PKD1: variants seen among roughly 807,000 people sequenced by gnomAD.
The protein encoded by PKD1 is polycystin-1.
In PKD1, 81 loss-of-function variants were observed where a neutral mutation model predicts 361.7. That is an observed-to-expected ratio of 0.22 (90% confidence interval 0.19 to 0.27). PKD1 has a LOEUF of 0.27. Ranked by LOEUF, PKD1 falls within the 10% of genes least tolerant of loss-of-function variation. PKD1 has a pLI of 1.00. For missense variants in PKD1, 6,399 were observed against 6,118.3 expected (o/e 1.05, Z -1.53); for synonymous variants, 3,615 against 2,818.3 (o/e 1.28, Z -8.95).
intron 11 of PKD1, 25 bp from the exon 12 acceptor site, chr16:2,113,317 G>A (rs1443499638): frequency 2.5e-6 from 4 of 1,595,182 alleles, no homozygotes; most frequent in African/African-American, 2.7e-5. Context: ...GTGTCAGCCT[G>A]GGCTCTGTGG....
intron 1 of PKD1, among the ~76,000 whole-genome samples, chr16:2,126,557 A>G (rs2092802546): frequency 6.6e-6 from 1 of 152,234 alleles, no homozygotes; most frequent in African/African-American, 2.4e-5. Flanking sequence ...CGTGAGCTGC[A>G]TTTTCCAGCT....
At chr16:2,130,420 G>C (rs2092858222) in intron 1 of PKD1, among the ~76,000 whole-genome samples, 1 of 152,310 alleles carries the variant, frequency 6.6e-6, no homozygotes, top group South Asian at 2.1e-4. Flanking sequence ...TGCACTGGGG[G>C]TCCTTCCAGG....
rs534269941 is a variant in PKD1, at chr16:2,135,125, C to T, written c.215+350G>A. 1.1e-5 allele frequency: 11 copies of T among 977,964 alleles called. No individual in the cohort carries two copies. The Admixed American group carries it at 6.1e-4, about 55-fold the overall frequency. The allele number at this position is 977,964 out of a possible 1,614,324, so 60.6% of individuals were successfully genotyped here. On this transcript the variant is annotated intron_variant, in intron 1 of 45. Transcript: ENST00000262304. The stretch of plus-strand genomic sequence containing the variant: ...ACTCTTCCCTGCCGCCCCCTACAGC[C>T]ATCCCCACCTCTCCGGGTACCCCGC...
rs1238398011 is a variant in PKD1, at chr16:2,093,654, C to T, written c.10906G>A (p.Val3636Met). 1 of 1,608,336 alleles carries T rather than the reference C, an allele frequency of 6.2e-7. No individual in the cohort carries two copies. The highest frequency in any genetic ancestry group is 1.3e-5 in the African/African-American group (1 of 74,960). Residue 3636 changes from valine (V) to methionine (M), a missense_variant, in exon 37 of 46, where the codon GTG (valine) becomes ATG (methionine). Physicochemically the swap from Val to Met is conservative, Grantham distance 21 (BLOSUM62 1). Transcript: ENST00000262304. ...EDDTLVESPA[V>M]TPVSARVPRV... ...GGCACACGTGCGCTCACAGGCGTCA[C>T]AGCCGGGCTCTCTACCAGGGTGTCA...
rs769386707 is a variant in PKD1 at position 2,109,012 on chromosome 16, G to A, written c.6155C>T (p.Thr2052Met). ...GGCGTCCTGAACCTCCAGCACCAGC[G>A]TGCGGTTCTCACTGCCCAGGGCGTT... The part of the protein sequence containing the change: ...AFNALGSENR[T>M]LVLEVQDAVQ... The change falls in exon 15 of 46, where the codon ACG becomes ATG. Residue 2052 changes from threonine (T) to methionine (M), a missense_variant. By Grantham distance (81) the Thr-to-Met change is moderately conservative. Coordinates refer to ENST00000262304, the MANE Select transcript of PKD1 (RefSeq NM_001009944.3). 13 of 1,610,314 alleles carry A rather than the reference G, an allele frequency of 8.1e-6. No homozygotes were observed. The highest frequency in any genetic ancestry group is 1.9e-4 in the Middle Eastern group (1 of 5,194).
rs569768187 is a variant in PKD1, at chr16:2,115,589, G to C, written c.1886C>G (p.Ser629Cys). Residue 629 changes from serine (S) to cysteine (C), a missense_variant, in exon 10 of 46, where the codon TCC becomes TGC. Ser to Cys is a moderately radical substitution (Grantham distance 112, BLOSUM62 -1). Transcript: ENST00000262304. ...GGCCAGCTGGGTCCTGTTGTCCGGG[G>C]ACCTGCTCTCAGGCTCGCTGCCGTT... The part of the protein sequence containing the change: ...PENGSEPESR[S>C]PDNRTQLAPA... 3.1e-6 allele frequency: 5 copies of C among 1,595,266 alleles called. No individual in the cohort carries two copies. Among genetic ancestry groups the C allele is most frequent in the South Asian group, 1.1e-5 (1 of 89,834 alleles).
In PKD1 at chr16:2,109,372, G is replaced by A. The variant is rs1384240172; in HGVS notation, c.5795C>T (p.Pro1932Leu). 1.3e-6 allele frequency: 2 copies of A among 1,593,846 alleles called. No homozygotes were observed. The highest frequency in any genetic ancestry group is 8.5e-7 in the Non-Finnish European group (1 of 1,174,930). ...GAAGCTGTGGGAGAAACGGGGCCCG[G>A]GGAGCACCTCGGGGTTGGCCCCGCC... ...QVGGANPEVL[P>L]GPRFSHSFPR... The change falls in exon 15 of 46, where the codon CCC becomes CTC. Residue 1932 changes from proline (P) to leucine (L), a missense_variant. By Grantham distance (98) the Pro-to-Leu change is moderately conservative. Coordinates refer to ENST00000262304, the MANE Select transcript of PKD1 (RefSeq NM_001009944.3).
Position 2,118,905 on chromosome 16 carries a change from C to T in PKD1, c.360-60G>A. 1.1e-5 allele frequency: 10 copies of T among 950,272 alleles called. No individual in the cohort carries two copies. Among genetic ancestry groups the T allele is most frequent in the South Asian group, 7.5e-5 (5 of 66,514 alleles). 58.9% of individuals were successfully genotyped at this position (950,272 alleles called of 1,614,324 possible). On this transcript the variant is annotated intron_variant, in intron 3 of 45. Coordinates refer to ENST00000262304, the MANE Select transcript of PKD1 (RefSeq NM_001009944.3). The surrounding 1 kb of genome is among the most constrained non-coding windows in gnomAD (Gnocchi z 6.0). Reference sequence around the variant, plus strand: ...TGGTGGGAAGGGTCTATGCCAGCCCCCCACTGGCAACCAGGCCCTGGAGCC... The same window carrying T: ...TGGTGGGAAGGGTCTATGCCAGCCCTCCACTGGCAACCAGGCCCTGGAGCC...
At position 2,114,590 on chromosome 16, in the gene PKD1, G is replaced by A; in HGVS notation, c.2433C>T (p.Leu811=). The A allele has an allele frequency of 2.5e-6, 4 of 1,592,996 alleles. No individual in the cohort carries two copies. The highest frequency in any genetic ancestry group is 3.4e-6 in the Non-Finnish European group (4 of 1,178,234). The change falls in exon 11 of 46, where the codon CTC becomes CTT. Residue 811 remains leucine, a synonymous_variant. Coordinates refer to ENST00000262304, the MANE Select transcript of PKD1 (RefSeq NM_001009944.3). ...EVGNGVSRHN[L]SCSFDVVSPV... is the part of the protein sequence containing the mutation. ...GGGAGACCACGTCAAAGCTGCAGGA[G>A]AGGTTGTGCCTGGACACGCCATTGC... is the stretch of plus-strand genomic sequence containing the variant.
At chr16:2,111,892 G>C in intron 14 of PKD1, 21 bp from the exon 15 acceptor site, 1 of 1,609,154 alleles carries the variant, frequency 6.2e-7, no homozygotes, top group South Asian at 1.1e-5. Context: ...AGGCCCGAGT[G>C]GGGCAGCCGC....
chr16:2,090,727 C>T lies in PKD1; in HGVS notation c.12085G>A (p.Val4029Ile), dbSNP rs781278135. The T allele has an allele frequency of 6.2e-7, 1 of 1,612,588 alleles. No homozygotes were observed. Among genetic ancestry groups the T allele is most frequent in the Non-Finnish European group, 8.5e-7 (1 of 1,179,946 alleles). The change falls in exon 44 of 46, where the codon GTC becomes ATC. Residue 4029 changes from valine to isoleucine, a missense_variant. Physicochemically the swap from Val to Ile is conservative, Grantham distance 29. Transcript: ENST00000262304. ...CCGAGCACCACCAGGCCCAAGGTGA[C>T]CCCCAGGAGCTCTGGCAGAGCTCGG... ...LCRALPELLG[V>I]TLGLVVLGVA... is the part of the protein sequence containing the mutation.
intron 1 of PKD1, chr16:2,131,969 G>T (rs924148946): frequency 6.6e-6 from 1 of 151,728 alleles, no homozygotes; most frequent in African/African-American, 2.4e-5. Context: ...ATATATTTTT[G>T]TCTGGGCGCG....
At chr16:2,113,981 C>T (rs1214709951) in intron 11 of PKD1, 189 bp downstream of exon 11, 9 of 606,548 alleles carry the variant, frequency 1.5e-5, no homozygotes, top group South Asian at 3.9e-5. Flanking sequence ...CTGTCAGAGC[C>T]GTGACTTTCC....
At chr16:2,120,102 C>T (rs1453433507) in intron 1 of PKD1, 8 of 561,894 alleles carry the variant, frequency 1.4e-5, no homozygotes, top group South Asian at 1.3e-4. Flanking sequence ...CCCAAGTACT[C>T]GGGAGGTAGA....
rs775125741 is a variant in PKD1 at position 2,114,302 on chromosome 16, G to T, written c.2721C>A (p.His907Gln). The change falls in exon 11 of 46, where the codon CAC becomes CAA. Residue 907 changes from histidine (H) to glutamine (Q), a missense_variant. By Grantham distance (24) the His-to-Gln change is conservative. Transcript: ENST00000262304. ...TGTTTTCCACCACCACGTCCACCAC[G>T]TGCTCCCCCTCACTGAGCCACGGCA... ...VALPWLSEGE[H>Q]VVDVVVENSA... is the part of the protein sequence containing the mutation. 3 of 1,610,420 alleles carry T rather than the reference G, an allele frequency of 1.9e-6. No homozygotes were observed. In the African/African-American group the frequency reaches 4.0e-5, roughly 22 times the overall value.
In PKD1 at chr16:2,105,232, C is replaced by A. The variant is rs1357432510; in HGVS notation, c.8016+90G>T. Reference sequence around the variant, plus strand: ...AGGAGCCCAGGCTGGAGGCTCAGCTCCTCGGCCAAGCTGCCCGTCTGCCCT... The same window carrying A: ...AGGAGCCCAGGCTGGAGGCTCAGCTACTCGGCCAAGCTGCCCGTCTGCCCT... On this transcript the variant is annotated intron_variant, in intron 21 of 45. Coordinates refer to ENST00000262304, the MANE Select transcript of PKD1 (RefSeq NM_001009944.3). 3 of 1,323,674 alleles carry A rather than the reference C, an allele frequency of 2.3e-6. No individual in the cohort carries two copies. The African/African-American group carries it at 4.5e-5, about 20-fold the overall frequency. 82.0% of individuals were successfully genotyped at this position (1,323,674 alleles called of 1,614,324 possible).
chr16:2,100,091 G>C lies in PKD1; in HGVS notation c.9713-20C>G. The C allele has an allele frequency of 6.2e-7, 1 of 1,602,550 alleles. No homozygotes were observed. Among genetic ancestry groups the C allele is most frequent in the Non-Finnish European group, 8.5e-7 (1 of 1,175,284 alleles). On this transcript the variant is annotated intron_variant, in intron 28 of 45. Coordinates refer to ENST00000262304, the MANE Select transcript of PKD1 (RefSeq NM_001009944.3). This position sits in a 1 kb window ranked among gnomAD's most constrained non-coding sequence, Gnocchi z 4.4. ...CGTCGCCTAGAAGGCAGGGAGGGCCGCACTGCAGGAGGCCACGGGGCAGGA... is the reference window on the plus strand; with the variant it reads ...CGTCGCCTAGAAGGCAGGGAGGGCCCCACTGCAGGAGGCCACGGGGCAGGA...
In PKD1 at chr16:2,111,186, G is replaced by A. The variant is rs759664879; in HGVS notation, c.3981C>T (p.Asp1327=). Residue 1327 remains aspartate (D), a synonymous_variant, in exon 15 of 46, where the codon GAC becomes GAT. Transcript: ENST00000262304. ...VTGNPAHYLF[D]WTFGDGSSNT... ...TGGAGGAGCCATCCCCGAAGGTCCA[G>A]TCGAAGAGGTAGTGGGCCGGGTTCC... 4 of 1,611,460 alleles carry A rather than the reference G, an allele frequency of 2.5e-6. No individual in the cohort carries two copies. The East Asian group carries it at 8.9e-5, about 36-fold the overall frequency.
intron 16 of PKD1, 102 bp from the exon 17 acceptor site, chr16:2,107,050 G>A (rs1313491946): frequency 3.5e-6 from 4 of 1,143,062 alleles, no homozygotes; most frequent in African/African-American, 1.6e-5. Context: ...AGGTTTCCCA[G>A]GGGCCTGGCC....
Sources: gnomAD v4.1 joint callset for allele counts (sites outside exome capture counted in the v4.1 genomes callset) on GRCh38, gnomAD v4.1.1 for gene constraint, Gnocchi (gnomAD v3.1) non-coding constraint, MANE v1.5 for transcripts, NCBI Gene and HGNC (gene_info 2026-07-23, HGNC 2026-07-21) for gene names.